Variants in AP3D1 observed in about 807,000 individuals in gnomAD.
AP3D1 encodes the protein adaptor related protein complex 3 subunit delta 1.
In AP3D1, 51 loss-of-function variants were observed where a neutral mutation model predicts 147.6. The ratio of observed to expected loss-of-function variants is 0.35; its 90% CI spans 0.28 to 0.44. The LOEUF (loss-of-function observed/expected upper bound fraction) is 0.44. Ranked by LOEUF, AP3D1 falls within the 20% of genes least tolerant of loss-of-function variation. AP3D1 has a pLI of 1.00. For missense variants in AP3D1, 1,421 were observed against 1,624.2 expected, an observed-to-expected ratio of 0.87 and a Z score of 2.15; for synonymous variants, 760 against 663.0, an observed-to-expected ratio of 1.15 and a Z score of -2.25.
upstream of AP3D1, among the ~76,000 whole-genome samples, chr19:2,156,192 G>A (rs113954525): frequency 1.3e-5 from 2 of 152,286 alleles, no homozygotes; most frequent in African/African-American, 2.4e-5. Context: ...CTCAAAGTAG[G>A]GGCAGCTTCT....
chr19:2,110,095 T>C (rs1321972359), intron 28 of AP3D1, 41 bp downstream of exon 28: 1 of 1,601,056 alleles, frequency 6.2e-7, no homozygotes, highest in East Asian at 2.2e-5. Flanking sequence ...AGCCCCTGCC[T>C]GCAGAGTCGG....
chr19:2,145,088 T>C (rs1362517013), intron 1 of AP3D1, among the ~76,000 whole-genome samples: 24 of 152,158 alleles, frequency 1.6e-4, no homozygotes, highest in Non-Finnish European at 4.4e-5. Flanking sequence ...TTTTGTGGCA[T>C]GTAAATTATA....
At chr19:2,116,382 A>G (rs1267722553) in intron 17 of AP3D1, 104 bp from the exon 18 acceptor site, 2 of 1,338,036 alleles carry the variant, frequency 1.5e-6, no homozygotes, top group Non-Finnish European at 2.0e-6. Flanking sequence ...ATCTCTGGCT[A>G]TTTTCACTAC....
chr19:2,129,569 C>G, intron 6 of AP3D1, 112 bp from the exon 7 acceptor site: 1 of 1,341,832 alleles, frequency 7.5e-7, no homozygotes, highest in Non-Finnish European at 1.0e-6. Context: ...TCCCACTGAA[C>G]ATGGCCCTGG....
At chr19:2,125,823 T>A in intron 9 of AP3D1, among the ~76,000 whole-genome samples, 1 of 143,254 alleles carries the variant, frequency 7.0e-6, no homozygotes, top group African/African-American at 2.8e-5. Context: ...CAACTATACC[T>A]AAGTAAAGCT....
rs1185373195 is a variant in AP3D1 at position 2,137,638 on chromosome 19, G to A, written c.273+89C>T. 9 of 1,125,032 alleles carry A rather than the reference G, an allele frequency of 8.0e-6. No homozygotes were observed. In the African/African-American group the frequency reaches 9.3e-5, roughly 12 times the overall value. 69.7% of individuals were successfully genotyped at this position (1,125,032 alleles called of 1,614,324 possible). ...GTAACAGAGCTAGACTCTGTCTCAA[G>A]AATAATAATAATAAAAATTGGCCAG... On this transcript the variant is annotated intron_variant, in intron 3 of 31. Coordinates refer to ENST00000643116, the MANE Select transcript of AP3D1 (RefSeq NM_001261826.3).
chr19:2,118,513 G>GC, intron 15 of AP3D1, 88 bp downstream of exon 15: 1 of 1,253,210 alleles, frequency 8.0e-7, no homozygotes, highest in Non-Finnish European at 1.1e-6. Flanking sequence ...GGAAGAGGAA[G>GC]CGAGGCCCCG....
chr19:2,141,247 C>T (rs1169283467), intron 1 of AP3D1, among the ~76,000 whole-genome samples: 1 of 152,012 alleles, frequency 6.6e-6, no homozygotes, highest in Non-Finnish European at 1.5e-5. Context: ...CAGCTAGTTC[C>T]ACACTAAATT....
At chr19:2,161,030 G>A (rs1182603163) in intron 1 of AP3D1, among the ~76,000 whole-genome samples, 2 of 152,056 alleles carry the variant, frequency 1.3e-5, no homozygotes, top group Non-Finnish European at 2.9e-5. Context: ...ACCCTGCTGA[G>A]GTCCCAGGAG....
chr19:2,114,914 G>A (rs2018397005), intron 20 of AP3D1, 93 bp from the exon 21 acceptor site: 1 of 1,366,176 alleles, frequency 7.3e-7, no homozygotes, highest in Non-Finnish European at 1.0e-6. Context: ...TGCCCATGCG[G>A]GCCACACGCA....
At chr19:2,151,931 A>G (rs1251692247), upstream of AP3D1, among the ~76,000 whole-genome samples, 2 of 152,186 alleles carry the variant, frequency 1.3e-5, no homozygotes, top group Non-Finnish European at 2.9e-5. Flanking sequence ...GGAAGACTGG[A>G]GCTCCGCCTT....
At chr19:2,143,541 A>G (rs2019278804) in intron 1 of AP3D1, among the ~76,000 whole-genome samples, 1 of 151,644 alleles carries the variant, frequency 6.6e-6, no homozygotes, top group African/African-American at 2.4e-5. Flanking sequence ...TGCCAGGCCA[A>G]GCCTGCCTAA....
chr19:2,126,576 C>T (rs942592292), intron 9 of AP3D1, among the ~76,000 whole-genome samples: 1 of 150,336 alleles, frequency 6.7e-6, no homozygotes, highest in Non-Finnish European at 1.5e-5. Context: ...ATGGCGTGAA[C>T]CTGGGAGGCG....
chr19:2,110,901 A>G lies in AP3D1; in HGVS notation c.2986-5T>C. On this transcript the variant is annotated splice_region_variant and splice_polypyrimidine_tract_variant and intron_variant, in intron 26 of 31. Coordinates refer to ENST00000643116, the MANE Select transcript of AP3D1 (RefSeq NM_001261826.3). ...ACTGCCCCGGATGTCACAGGTCTGC[A>G]GGGCATGGCCAGTGTTAGCAGGGCA... 2 of 1,612,312 alleles carry G rather than the reference A, an allele frequency of 1.2e-6. No individual in the cohort carries two copies. Among genetic ancestry groups the G allele is most frequent in the Non-Finnish European group, 1.7e-6 (2 of 1,179,742 alleles).
At position 2,108,724 on chromosome 19, in the gene AP3D1, G is replaced by C; in HGVS notation, c.3515C>G (p.Ser1172Cys). ...GAGGCAGACATGGTGGCCCTGGATG[G>C]AGCGGCTGTACATGGAGGCGCAGGA... is the stretch of plus-strand genomic sequence containing the variant. ...VDSCASMYSR[S>C]IQGHHVCLLV... is the part of the protein sequence containing the mutation. The change falls in exon 31 of 32, where the codon TCC becomes TGC. Residue 1172 changes from serine (S) to cysteine (C), a missense_variant. This residue lies in a region of AP3D1 where 791 missense variants were observed against 761.4 expected (regional missense o/e 1.04). Coordinates refer to ENST00000643116, the MANE Select transcript of AP3D1 (RefSeq NM_001261826.3). The C allele has an allele frequency of 6.3e-7, 1 of 1,584,258 alleles. No individual in the cohort carries two copies.
At chr19:2,150,976 C>T (rs2019492119) in intron 1 of AP3D1, among the ~76,000 whole-genome samples, 1 of 152,252 alleles carries the variant, frequency 6.6e-6, no homozygotes, top group Non-Finnish European at 1.5e-5. Flanking sequence ...TTGAACAGCG[C>T]TTCCCCCAGG....
Position 2,108,645 on chromosome 19 carries a change from A to T in AP3D1, c.3552+42T>A, listed in dbSNP as rs537411375. ...GAAGGCCTGGGCATGACCCCAGGAG[A>T]GGTGGCAGGAGCCAGGGTGTGCACA... On this transcript the variant is annotated intron_variant, in intron 31 of 31. Transcript: ENST00000643116. The T allele has an allele frequency of 3.3e-6, 5 of 1,537,380 alleles. No homozygotes were observed. The African/African-American group carries it at 5.5e-5, about 17-fold the overall frequency.
chr19:2,154,520 G>T (rs1466136689), upstream of AP3D1, among the ~76,000 whole-genome samples: 1 of 151,962 alleles, frequency 6.6e-6, no homozygotes. Context: ...CTCGTGATCT[G>T]CCTGCTTCAG....
intron 24 of AP3D1, chr19:2,112,127 C>A: frequency 2.1e-6 from 1 of 467,618 alleles, no homozygotes; most frequent in Non-Finnish European, 3.9e-6. Context: ...ACGCAGCAAC[C>A]CCACGCCCAT....
Sources: allele counts gnomAD v4.1 joint callset (sites outside exome capture counted in the v4.1 genomes callset), GRCh38; gene constraint gnomAD v4.1.1; regional missense constraint gnomAD v4.1.1; transcripts MANE v1.5; gene names NCBI Gene and HGNC (gene_info 2026-07-23, HGNC 2026-07-21).